The following DNAH5 variants were observed in gnomAD, a reference collection of about 807,000 sequenced individuals.
DNAH5 encodes dynein axonemal heavy chain 5.
DNAH5 carries 372 observed loss-of-function variants against 518.2 expected under a neutral mutation model. The ratio of observed to expected loss-of-function variants is 0.72; its 90% CI spans 0.66 to 0.78. The LOEUF (loss-of-function observed/expected upper bound fraction) is 0.78, where lower values mean the gene tolerates loss of function less well. Among genes scored for constraint, DNAH5 ranks in the 30% least tolerant of loss-of-function variants. The pLI, the probability that DNAH5 is intolerant of heterozygous loss-of-function variation, is 0.00. For missense variants in DNAH5, 5,523 were observed against 5,687.0 expected, an observed-to-expected ratio of 0.97 and a Z score of 0.93; for synonymous variants, 2,039 against 2,025.9, an observed-to-expected ratio of 1.01 and a Z score of -0.17.
intron 50 of DNAH5, among the ~76,000 whole-genome samples, chr5:13,790,527 G>C (rs533127132): frequency 3.9e-5 from 6 of 152,276 alleles, no homozygotes; most frequent in Middle Eastern, 3.4e-3. Flanking sequence ...CACATGTCAA[G>C]GGAGAGACCA....
chr5:13,727,473 T>G, intron 70 of DNAH5, 34 bp downstream of exon 70: 1 of 1,568,134 alleles, frequency 6.4e-7, no homozygotes, highest in Non-Finnish European at 8.7e-7. Context: ...TTAAAAATAT[T>G]CTCTCATTTT....
chr5:13,897,307 G>A (rs1774034523), intron 15 of DNAH5, among the ~76,000 whole-genome samples: 1 of 151,456 alleles, frequency 6.6e-6, no homozygotes, highest in Non-Finnish European at 1.5e-5. Flanking sequence ...TTTTTTCAAT[G>A]TCCACCAGTT....
upstream of DNAH5, among the ~76,000 whole-genome samples, chr5:13,945,181 T>G (rs1282387321): frequency 1.3e-5 from 2 of 152,252 alleles, no homozygotes; most frequent in Non-Finnish European, 2.9e-5. Flanking sequence ...GCTAAACATC[T>G]TGATCATCTT....
intron 1 of DNAH5, among the ~76,000 whole-genome samples, chr5:13,972,155 T>A (rs1026158821): frequency 2.6e-5 from 4 of 152,116 alleles, no homozygotes; most frequent in Non-Finnish European, 5.9e-5. Flanking sequence ...CGAAAGCTAG[T>A]CTCACTCCTA....
At chr5:13,753,639 AT>A (rs2126702915) in intron 62 of DNAH5, 90 bp from the exon 63 acceptor site, 1 of 1,197,990 alleles carries the variant, frequency 8.3e-7, no homozygotes, top group East Asian at 2.5e-5. Context: ...TAAAAAGACA[AT>A]AATTCTTTTA....
intron 51 of DNAH5, among the ~76,000 whole-genome samples, chr5:13,787,278 G>A (rs933930334): frequency 4.0e-5 from 6 of 151,602 alleles, no homozygotes; most frequent in African/African-American, 1.5e-4. Flanking sequence ...ATTAACATTA[G>A]TAATAGGGAA....
intron 70 of DNAH5, among the ~76,000 whole-genome samples, chr5:13,724,212 C>T (rs1173466568): frequency 6.6e-6 from 1 of 152,248 alleles, no homozygotes; most frequent in Non-Finnish European, 1.5e-5. Context: ...GTTTTGGGAG[C>T]CCATCCCTTG....
intron 1 of DNAH5, among the ~76,000 whole-genome samples, chr5:13,938,607 A>G (rs989788045): frequency 3.3e-5 from 5 of 151,916 alleles, no homozygotes; most frequent in Non-Finnish European, 7.4e-5. Context: ...AACATAGTAT[A>G]TATAGGGTTC....
intron 78 of DNAH5, among the ~76,000 whole-genome samples, chr5:13,697,202 T>C (rs533196688): frequency 6.6e-6 from 1 of 152,330 alleles, no homozygotes; most frequent in African/African-American, 2.4e-5. Flanking sequence ...TATTTTTGGC[T>C]AAAGGAACAC....
At chr5:13,836,678 A>G (rs1055140418) in intron 35 of DNAH5, among the ~76,000 whole-genome samples, 2 of 152,348 alleles carry the variant, frequency 1.3e-5, no homozygotes, top group African/African-American at 2.4e-5. Flanking sequence ...TCCCCCCAAA[A>G]TACGTTCTAA....
At chr5:13,734,606 G>A (rs1353680625) in intron 68 of DNAH5, among the ~76,000 whole-genome samples, 1 of 152,076 alleles carries the variant, frequency 6.6e-6, no homozygotes, top group Non-Finnish European at 1.5e-5. Context: ...GCCCTGACCT[G>A]ATGCCATCCC....
rs35337694 is a variant in DNAH5 at position 13,841,918 on chromosome 5, C to CAAAAAAAAAAAAAAAAAAA, written c.5272-33_5272-15dup. 2.0e-6 allele frequency: 1 copy of CAAAAAAAAAAAAAAAAAAA among 504,450 alleles called. No individual in the cohort carries two copies. The highest frequency in any genetic ancestry group is 3.2e-6 in the Non-Finnish European group (1 of 316,360). The allele number at this position is 504,450 out of a possible 1,614,324, so 31.2% of individuals were successfully genotyped here. A position where few individuals can be genotyped will look rare whatever the true frequency, so the allele number is the denominator to read the frequency against. On this transcript the variant is annotated splice_polypyrimidine_tract_variant and intron_variant, in intron 32 of 78. Coordinates refer to ENST00000265104, the MANE Select transcript of DNAH5 (RefSeq NM_001369.3). ...TCGATCATAGATCTATGTTAGAAAC[C>CAAAAAAAAAAAAAAAAAAA]AAAAAAAAAAAAAAAAAAAGCTATA...
chr5:13,765,849 A>C, intron 59 of DNAH5, 127 bp downstream of exon 59: 1 of 1,014,654 alleles, frequency 9.9e-7, no homozygotes, highest in Non-Finnish European at 1.5e-6. Context: ...ATTTGAGACA[A>C]AGTTTTACTC....
At chr5:13,858,846 G>T (rs2591559) in intron 30 of DNAH5, among the ~76,000 whole-genome samples, 1 of 151,986 alleles carries the variant, frequency 6.6e-6, no homozygotes, top group Admixed American at 6.6e-5. Context: ...TCTTGCATAC[G>T]ACTTAAGGTA....
At chr5:13,984,104 G>T (rs1782868661) in intron 1 of DNAH5, among the ~76,000 whole-genome samples, 1 of 152,136 alleles carries the variant, frequency 6.6e-6, no homozygotes, top group African/African-American at 2.4e-5. Context: ...GGAGAGGGGG[G>T]CAGAGAAAGA....
chr5:13,964,539 C>T (rs917297175), intron 1 of DNAH5, among the ~76,000 whole-genome samples: 1 of 152,232 alleles, frequency 6.6e-6, no homozygotes, highest in Non-Finnish European at 1.5e-5. Flanking sequence ...GACGTGGACT[C>T]CAGCTGCACT....
rs1765200915 is a variant in DNAH5, at chr5:13,841,794, T to C, written c.5382A>G (p.Glu1794=). 1 of 1,613,804 alleles carries C rather than the reference T, an allele frequency of 6.2e-7. No homozygotes were observed. Among genetic ancestry groups the C allele is most frequent in the African/African-American group, 1.3e-5 (1 of 75,004 alleles). ...CAAGATGCAATGAGGACTGAGATTC[T>C]TCCAAAAGAGAATTAAGCCAAACTT... is the stretch of plus-strand genomic sequence containing the variant. ...NVEVWLNSLL[E]ESQSSLHLVI... The change falls in exon 33 of 79, where the codon GAA becomes GAG. Residue 1794 remains glutamate, a synonymous_variant. Coordinates refer to ENST00000265104, the MANE Select transcript of DNAH5 (RefSeq NM_001369.3).
chr5:13,867,923 G>A lies in DNAH5; in HGVS notation c.3904C>T (p.Leu1302=), dbSNP rs1335346987. 6.2e-7 allele frequency: 1 copy of A among 1,613,984 alleles called. No homozygotes were observed. Among genetic ancestry groups the A allele is most frequent in the East Asian group, 2.2e-5 (1 of 44,894 alleles). ...AGCAGCTTCTCCCAAGCATAGTGCA[G>A]TGTATCAACTTTGTCTATCTCTTCC... ...AREEIDKVDT[L]HYAWEKLLAR... is the part of the protein sequence containing the mutation. The change falls in exon 25 of 79, where the codon CTG becomes TTG. Residue 1302 remains leucine (L), a synonymous_variant. Transcript: ENST00000265104.
At chr5:13,829,930 T>A (rs946276962) in intron 37 of DNAH5, 96 bp downstream of exon 37, 185 of 1,281,784 alleles carry the variant, frequency 1.4e-4, no homozygotes, top group Non-Finnish European at 1.8e-4. Context: ...CAATCCCAAT[T>A]TCCATTCAGG....
Sources: gnomAD v4.1 joint callset for allele counts (sites outside exome capture counted in the v4.1 genomes callset) on GRCh38, gnomAD v4.1.1 for gene constraint, MANE v1.5 for transcripts, NCBI Gene and HGNC (gene_info 2026-07-23, HGNC 2026-07-21) for gene names.